The following CNGA3 variants were observed in gnomAD, a reference collection of about 807,000 sequenced individuals.
CNGA3 encodes the protein cyclic nucleotide-gated channel alpha-3.
In CNGA3, 42 loss-of-function variants were observed where a neutral mutation model predicts 46.6. The observed-to-expected ratio is 0.90, with a 90% CI of 0.70 to 1.17. The LOEUF (loss-of-function observed/expected upper bound fraction) is 1.17. Among genes scored for constraint, CNGA3 ranks in the 50% most tolerant of loss-of-function variants. The probability of loss-of-function intolerance (pLI) is 0.00; values close to 1 mark genes in which losing one functional copy is unlikely to be tolerated. For missense variants in CNGA3, 893 were observed against 890.7 expected, an observed-to-expected ratio of 1.00 and a Z score of -0.03; for synonymous variants, 394 against 369.4, an observed-to-expected ratio of 1.07 and a Z score of -0.76.
intron 2 of CNGA3, among the ~76,000 whole-genome samples, chr2:98,375,080 G>A (rs760695590): frequency 1.3e-5 from 2 of 152,234 alleles, no homozygotes; most frequent in East Asian, 1.9e-4. Flanking sequence ...CTCCCCCTGA[G>A]TGGGCATCAT....
rs1364187291 is a variant in CNGA3 at position 98,398,507 on chromosome 2, C to G, written c.*1252C>G. On this transcript the variant is annotated 3_prime_UTR_variant, in exon 8 of 8. Coordinates refer to ENST00000272602, the MANE Select transcript of CNGA3 (RefSeq NM_001298.3). ...TCTTCCTTTTTCTCTCTCCTCTTTT[C>G]CTCCTCAAAATGTATATATTTTAAA... 1 of 151,710 alleles carries G rather than the reference C, an allele frequency of 6.6e-6. No individual in the cohort carries two copies. Among genetic ancestry groups the G allele is most frequent in the East Asian group, 1.9e-4 (1 of 5,188 alleles). The allele number at this position is 151,710 out of a possible 1,614,324, so 9.4% of individuals were successfully genotyped here. A position where few individuals can be genotyped will look rare whatever the true frequency, so the allele number is the denominator to read the frequency against.
intron 1 of CNGA3, among the ~76,000 whole-genome samples, chr2:98,363,358 C>G (rs1464875283): frequency 6.6e-6 from 1 of 152,150 alleles, no homozygotes; most frequent in East Asian, 1.9e-4. Context: ...TTGATAAGGT[C>G]CTTCACTTGC....
intron 4 of CNGA3, among the ~76,000 whole-genome samples, chr2:98,382,045 CCAGA>C (rs562043804): frequency 3.5e-4 from 54 of 152,296 alleles, no homozygotes; most frequent in Non-Finnish European, 6.2e-4. Flanking sequence ...CCCGATGGGA[CCAGA>C]CAAATGGAGG....
In CNGA3 at chr2:98,396,671, A is replaced by C. The variant is rs1326071763; in HGVS notation, c.1501A>C (p.Thr501Pro). 1 of 1,614,160 alleles carries C rather than the reference A, an allele frequency of 6.2e-7. No homozygotes were observed. Among genetic ancestry groups the C allele is most frequent in the Non-Finnish European group, 8.5e-7 (1 of 1,180,038 alleles). Residue 501 changes from threonine to proline, a missense_variant, in exon 8 of 8, where the codon ACT becomes CCT. By Grantham distance (38) the Thr-to-Pro change is conservative. Around this residue, in one of 3 missense-constraint regions of CNGA3, gnomAD observed 548 missense variants for 570.8 expected, o/e 0.96. Transcript: ENST00000272602. ...GGAGCTGGTGCTGAAGCTGCGACCC[A>C]CTGTGTTCAGCCCTGGGGATTATAT... ...LVELVLKLRP[T>P]VFSPGDYICK...
intron 3 of CNGA3, among the ~76,000 whole-genome samples, chr2:98,379,447 C>G (rs1466907540): frequency 6.6e-6 from 1 of 152,216 alleles, no homozygotes; most frequent in African/African-American, 2.4e-5. Flanking sequence ...CCAGCAACAG[C>G]AGGCAGGGTG....
intron 1 of CNGA3, among the ~76,000 whole-genome samples, chr2:98,365,116 C>T (rs946096427): frequency 6.6e-6 from 1 of 151,816 alleles, no homozygotes; most frequent in Admixed American, 6.6e-5. Context: ...CAGCTCACTG[C>T]AACCTCCGCC....
intron 2 of CNGA3, among the ~76,000 whole-genome samples, chr2:98,373,943 C>A (rs1227719153): frequency 2.6e-5 from 4 of 152,236 alleles, no homozygotes; most frequent in Non-Finnish European, 5.9e-5. Context: ...CATCCCACTT[C>A]TCCAGGACCA....
chr2:98,389,346 G>A (rs1038523898), intron 5 of CNGA3, among the ~76,000 whole-genome samples: 5 of 152,202 alleles, frequency 3.3e-5, no homozygotes, highest in African/African-American at 1.2e-4. Flanking sequence ...GCCATGCTGC[G>A]TTTTCATTCT....
At chr2:98,394,295 C>T (rs532879474) in intron 7 of CNGA3, among the ~76,000 whole-genome samples, 1 of 152,282 alleles carries the variant, frequency 6.6e-6, no homozygotes, top group East Asian at 1.9e-4. Flanking sequence ...CAGCCCATCT[C>T]CAGACCAGTC....
chr2:98,388,799 A>G (rs541184728), intron 5 of CNGA3, among the ~76,000 whole-genome samples: 5 of 152,324 alleles, frequency 3.3e-5, no homozygotes, highest in Admixed American at 3.3e-4. Context: ...AGCTGTAGGG[A>G]ACGTCCCAAA....
chr2:98,390,142 C>CTT (rs562711126), intron 6 of CNGA3, among the ~76,000 whole-genome samples: 20 of 144,582 alleles, frequency 1.4e-4, no homozygotes, highest in African/African-American at 5.0e-4. Context: ...CTATTTTTTT[C>CTT]TTTTTTTTTT....
rs1274155323 is a variant in CNGA3 at position 98,389,700 on chromosome 2, C to T, written c.492C>T (p.Ser164=). The T allele has an allele frequency of 1.2e-6, 2 of 1,613,720 alleles. No individual in the cohort carries two copies. The highest frequency in any genetic ancestry group is 1.3e-5 in the African/African-American group (1 of 74,934). ...KKKDAIVVDP[S]SNLYYRWLTA... The stretch of plus-strand genomic sequence containing the variant: ...AGGATGCGATCGTGGTGGACCCGTC[C>T]AGCAACCTGTACTACCGCTGGCTGA... The change falls in exon 6 of 8, where the codon TCC becomes TCT. Residue 164 remains serine (S), a synonymous_variant. Transcript: ENST00000272602.
intron 2 of CNGA3, among the ~76,000 whole-genome samples, chr2:98,372,467 C>T (rs933918830): frequency 6.6e-6 from 1 of 152,196 alleles, no homozygotes; most frequent in Non-Finnish European, 1.5e-5. Context: ...TGCTATTTGT[C>T]GTCTGCATGG....
At chr2:98,382,092 G>A (rs753914954) in intron 4 of CNGA3, among the ~76,000 whole-genome samples, 15 of 152,278 alleles carry the variant, frequency 9.9e-5, no homozygotes, top group South Asian at 2.1e-4. Flanking sequence ...GGCAGGCCCC[G>A]ACCACCTCAC....
chr2:98,383,271 A>G (rs1002017597), intron 4 of CNGA3, 117 bp from the exon 5 acceptor site: 3 of 975,140 alleles, frequency 3.1e-6, no homozygotes, highest in African/African-American at 3.2e-5. Context: ...GTGAGTGCAA[A>G]GGCTGGAAGC....
In CNGA3 at chr2:98,395,957, T is replaced by G. The variant is rs943314733; in HGVS notation, c.787T>G (p.Tyr263Asp). Residue 263 changes from tyrosine to aspartate, a missense_variant, in exon 8 of 8, where the codon TAC becomes GAC. This residue lies in a region of CNGA3 where 548 missense variants were observed against 570.8 expected (regional missense o/e 0.96). Transcript: ENST00000272602. Reference sequence around the variant, plus strand: ...GTCCCTGGTCCCCACCGACCTGGCTTACTTAAAGGTGGGCACAAACTACCC... The same window carrying G: ...GTCCCTGGTCCCCACCGACCTGGCTGACTTAAAGGTGGGCACAAACTACCC... ...VLSLVPTDLA[Y>D]LKVGTNYPEV... 5 of 1,614,198 alleles carry G rather than the reference T, an allele frequency of 3.1e-6. No homozygotes were observed. The highest frequency in any genetic ancestry group is 4.2e-6 in the Non-Finnish European group (5 of 1,180,020).
chr2:98,367,786 A>G (rs1483840188), intron 1 of CNGA3, among the ~76,000 whole-genome samples: 1 of 152,164 alleles, frequency 6.6e-6, no homozygotes, highest in African/African-American at 2.4e-5. Context: ...AAGCTAGTTC[A>G]GGCAGTTGTT....
chr2:98,391,874 G>A lies in CNGA3; in HGVS notation c.577G>A (p.Asp193Asn), dbSNP rs375673700. Residue 193 changes from aspartate to asparagine, a missense_variant, in exon 7 of 8, where the codon GAT (aspartate) becomes AAT (asparagine). Physicochemically the swap from Asp to Asn is conservative, Grantham distance 23. Around this residue, in one of 3 missense-constraint regions of CNGA3, gnomAD observed 333 missense variants for 290.8 expected, o/e 1.15. Transcript: ENST00000272602. ...WYLLICRACF[D>N]ELQSEYLMLW... ...ACATGGCTTCTTTAGGGCCTGTTTC[G>A]ATGAGCTGCAGTCCGAGTACCTGAT... is the stretch of plus-strand genomic sequence containing the variant. The A allele has an allele frequency of 3.5e-5, 57 of 1,613,986 alleles. No individual in the cohort carries two copies. Among genetic ancestry groups the A allele is most frequent in the Non-Finnish European group, 4.4e-5 (52 of 1,179,990 alleles).
chr2:98,392,552 T>A (rs921421447), intron 7 of CNGA3, among the ~76,000 whole-genome samples: 2 of 149,386 alleles, frequency 1.3e-5, no homozygotes, highest in Non-Finnish European at 3.0e-5. Flanking sequence ...CATAGCAACA[T>A]TCTGTCTCAA....
Sources: gnomAD v4.1 joint callset for allele counts (sites outside exome capture counted in the v4.1 genomes callset) on GRCh38, gnomAD v4.1.1 for gene constraint, gnomAD v4.1.1 regional missense constraint, MANE v1.5 for transcripts, NCBI Gene and HGNC (gene_info 2026-07-23, HGNC 2026-07-21) for gene names.